Variants in PTPN12 observed in about 807,000 individuals in gnomAD.
PTPN12 encodes the protein protein tyrosine phosphatase non-receptor type 12, also known as tyrosine-protein phosphatase non-receptor type 12.
A neutral mutation model predicts 97.6 loss-of-function variants in PTPN12; 29 were observed. The ratio of observed to expected loss-of-function variants is 0.30; its 90% CI spans 0.22 to 0.41. The LOEUF (loss-of-function observed/expected upper bound fraction) is 0.41, where lower values mean the gene tolerates loss of function less well. PTPN12 is among the 10% of genes least tolerant of loss of function. The pLI is 1.00. For synonymous variants in PTPN12, 327 were observed against 300.4 expected (o/e 1.09, Z -0.91); for missense variants, 819 against 926.0 (o/e 0.88, Z 1.50).
At chr7:77,598,635 A>G in intron 7 of PTPN12, among the ~76,000 whole-genome samples, 1 of 152,170 alleles carries the variant, frequency 6.6e-6, no homozygotes, top group East Asian at 1.9e-4. Context: ...ATAAGCCGAG[A>G]TGGTGCCACT....
chr7:77,596,360 T>C (rs1256291309), intron 6 of PTPN12, among the ~76,000 whole-genome samples: 1 of 152,202 alleles, frequency 6.6e-6, no homozygotes, highest in African/African-American at 2.4e-5. Context: ...TAGGAGACTT[T>C]ATCTGATAGG....
At chr7:77,582,312 G>T (rs7796659) in intron 3 of PTPN12, among the ~76,000 whole-genome samples, 146,322 of 151,856 alleles carry the variant, frequency 0.96, 70,562 homozygotes, top group East Asian at 1. Flanking sequence ...CTTTATGGTA[G>T]CAGTAGAGAT....
chr7:77,597,149 A>G (rs529040142), intron 6 of PTPN12, among the ~76,000 whole-genome samples: 1 of 152,156 alleles, frequency 6.6e-6, no homozygotes, highest in South Asian at 2.1e-4. Context: ...TTTGAGACGG[A>G]GTCTTGCTCT....
At chr7:77,540,668 T>A (rs1406943302) in intron 1 of PTPN12, among the ~76,000 whole-genome samples, 1 of 151,750 alleles carries the variant, frequency 6.6e-6, no homozygotes, top group Non-Finnish European at 1.5e-5. Context: ...TTTAATTTCC[T>A]GACTTGATAA....
chr7:77,637,691 T>C (rs1471408602), intron 16 of PTPN12, among the ~76,000 whole-genome samples: 2 of 151,474 alleles, frequency 1.3e-5, no homozygotes, highest in Admixed American at 1.3e-4. Flanking sequence ...ACCCCGTCTC[T>C]ACTAAAAATA....
At chr7:77,607,825 C>A (rs1788426223) in intron 9 of PTPN12, among the ~76,000 whole-genome samples, 1 of 151,618 alleles carries the variant, frequency 6.6e-6, no homozygotes, top group African/African-American at 2.4e-5. Context: ...GCGATCTCAG[C>A]TCACTGCAAC....
At chr7:77,583,094 A>G (rs1202261850) in intron 3 of PTPN12, among the ~76,000 whole-genome samples, 1 of 152,202 alleles carries the variant, frequency 6.6e-6, no homozygotes, top group African/African-American at 2.4e-5. Flanking sequence ...CATGTTCATT[A>G]TTAAAAACCT....
chr7:77,592,157 C>G, intron 5 of PTPN12, 28 bp from the exon 6 acceptor site: 1 of 1,550,470 alleles, frequency 6.4e-7, no homozygotes, highest in Non-Finnish European at 8.8e-7. Context: ...ACATGAATTA[C>G]TTACTAATTT....
chr7:77,601,704 A>G (rs1788192983), intron 8 of PTPN12, among the ~76,000 whole-genome samples: 1 of 152,162 alleles, frequency 6.6e-6, no homozygotes, highest in Admixed American at 6.5e-5. Context: ...CATTGAGATG[A>G]AAAAGTGTGT....
intron 6 of PTPN12, among the ~76,000 whole-genome samples, chr7:77,596,045 A>G (rs1788012711): frequency 6.6e-6 from 1 of 152,210 alleles, no homozygotes; most frequent in South Asian, 2.1e-4. Context: ...ATGGAAAGGT[A>G]AAATGGTTGA....
chr7:77,575,495 G>A (rs1463200689), intron 2 of PTPN12, among the ~76,000 whole-genome samples: 2 of 152,120 alleles, frequency 1.3e-5, no homozygotes, highest in Admixed American at 1.3e-4. Context: ...GTAACAGAGC[G>A]AGACTGTCTC....
intron 12 of PTPN12, among the ~76,000 whole-genome samples, chr7:77,624,219 A>G (rs1789048977): frequency 6.6e-6 from 1 of 151,898 alleles, no homozygotes; most frequent in Admixed American, 6.6e-5. Flanking sequence ...GTGAGCCAAG[A>G]TAGTGCAACT....
intron 9 of PTPN12, among the ~76,000 whole-genome samples, chr7:77,610,228 A>G (rs998305582): frequency 6.6e-6 from 1 of 152,222 alleles, no homozygotes; most frequent in East Asian, 1.9e-4. Flanking sequence ...TAGGTCTTTT[A>G]GCTGGTCCTT....
intron 7 of PTPN12, among the ~76,000 whole-genome samples, 194 bp from the exon 8 acceptor site, chr7:77,600,470 G>A (rs1192676183): frequency 6.6e-6 from 1 of 152,086 alleles, no homozygotes; most frequent in Non-Finnish European, 1.5e-5. Flanking sequence ...AAATTAAATT[G>A]TTACATGTGA....
chr7:77,575,302 C>T (rs1317948379), intron 2 of PTPN12, among the ~76,000 whole-genome samples: 1 of 152,052 alleles, frequency 6.6e-6, no homozygotes, highest in South Asian at 2.1e-4. Context: ...CCAGCCTGGG[C>T]AACATAGCAA....
At chr7:77,544,898 C>A (rs1807142383) in intron 1 of PTPN12, among the ~76,000 whole-genome samples, 1 of 152,228 alleles carries the variant, frequency 6.6e-6, no homozygotes, top group African/African-American at 2.4e-5. Context: ...GGTTTGTCTT[C>A]TAGACGATCA....
At chr7:77,568,689 G>T (rs190679069) in intron 1 of PTPN12, among the ~76,000 whole-genome samples, 7 of 152,250 alleles carry the variant, frequency 4.6e-5, no homozygotes, top group Admixed American at 1.3e-4. Context: ...TAGAGTGATT[G>T]TACCAGGCAT....
intron 1 of PTPN12, among the ~76,000 whole-genome samples, chr7:77,564,793 C>G (rs1194928616): frequency 1.0e-5 from 1 of 97,252 alleles, no homozygotes; most frequent in Admixed American, 1.7e-4. Flanking sequence ...GAATCTCGCC[C>G]TTGTGCCAGG....
At chr7:77,605,950 T>C (rs1251103506) in intron 8 of PTPN12, among the ~76,000 whole-genome samples, 3 of 132,874 alleles carry the variant, frequency 2.3e-5, no homozygotes, top group African/African-American at 8.7e-5. Flanking sequence ...GCCATCTTTT[T>C]TTTTTTTTTT....
Sources: gnomAD v4.1 joint callset for allele counts (sites outside exome capture counted in the v4.1 genomes callset) on GRCh38, gnomAD v4.1.1 for gene constraint, MANE v1.5 for transcripts, NCBI Gene and HGNC (gene_info 2026-07-23, HGNC 2026-07-21) for gene names.